The following KCNK2 variants were observed in gnomAD, a reference collection of about 807,000 sequenced individuals.
The protein encoded by KCNK2 is potassium channel subfamily K member 2.
In KCNK2, 21 loss-of-function variants were observed where a neutral mutation model predicts 40.5. The observed-to-expected ratio is 0.52, with a 90% CI of 0.37 to 0.75. KCNK2 has a LOEUF of 0.75. Among genes scored for constraint, KCNK2 ranks in the 30% least tolerant of loss-of-function variants. The probability of loss-of-function intolerance (pLI) is 0.00; values close to 1 mark genes in which losing one functional copy is unlikely to be tolerated. For synonymous variants in KCNK2, 191 were observed against 202.2 expected (o/e 0.94, Z 0.47); for missense variants, 399 against 531.6 (o/e 0.75, Z 2.45).
chr1:215,115,744 T>A (rs1449968743), intron 2 of KCNK2, among the ~76,000 whole-genome samples: 4 of 151,728 alleles, frequency 2.6e-5, no homozygotes, highest in Non-Finnish European at 5.9e-5. Context: ...TTTAAAAAAA[T>A]TAATCTTTTT....
chr1:215,153,833 T>C (rs1662793964), intron 3 of KCNK2, among the ~76,000 whole-genome samples: 1 of 152,010 alleles, frequency 6.6e-6, no homozygotes, highest in Non-Finnish European at 1.5e-5. Flanking sequence ...CACTTATGAG[T>C]GAGAACATGT....
intron 3 of KCNK2, among the ~76,000 whole-genome samples, chr1:215,135,508 A>C (rs2102594429): frequency 6.6e-6 from 1 of 152,026 alleles, no homozygotes; most frequent in South Asian, 2.1e-4. Flanking sequence ...TTCTGCCACT[A>C]ATATTTAAAA....
chr1:215,014,042 G>GT (rs1322592705), intron 1 of KCNK2, among the ~76,000 whole-genome samples: 1 of 152,048 alleles, frequency 6.6e-6, no homozygotes, highest in Admixed American at 6.6e-5. Context: ...GTTAGCTACA[G>GT]TTTTTTAAAT....
At chr1:215,080,652 A>G (rs1277638427), upstream of KCNK2, among the ~76,000 whole-genome samples, 1 of 152,238 alleles carries the variant, frequency 6.6e-6, no homozygotes, top group Non-Finnish European at 1.5e-5. Context: ...CACTGAGCAT[A>G]CAATCTAGTT....
At chr1:215,170,825 T>A (rs1663679984) in intron 4 of KCNK2, among the ~76,000 whole-genome samples, 1 of 152,146 alleles carries the variant, frequency 6.6e-6, no homozygotes, top group African/African-American at 2.4e-5. Context: ...ATTCAACAAA[T>A]TTTTTAGTGC....
intron 1 of KCNK2, among the ~76,000 whole-genome samples, chr1:215,027,334 A>C (rs1657034432): frequency 6.6e-6 from 1 of 152,024 alleles, no homozygotes; most frequent in South Asian, 2.1e-4. Flanking sequence ...GTTTTATTGG[A>C]TTCTTTCTAT....
chr1:215,124,241 A>G (rs1320699267), intron 2 of KCNK2, among the ~76,000 whole-genome samples: 2 of 152,180 alleles, frequency 1.3e-5, no homozygotes, highest in Admixed American at 1.3e-4. Flanking sequence ...TACTTTCTTT[A>G]TGATGAAGCT....
chr1:215,214,631 G>T (rs1053713672), intron 6 of KCNK2, among the ~76,000 whole-genome samples: 29 of 152,212 alleles, frequency 1.9e-4, no homozygotes, highest in African/African-American at 6.7e-4. Flanking sequence ...TTCAGGACCA[G>T]CCTGGGCAAC....
chr1:215,160,877 T>C (rs2102624123), intron 3 of KCNK2, among the ~76,000 whole-genome samples: 1 of 152,278 alleles, frequency 6.6e-6, no homozygotes, highest in Non-Finnish European at 1.5e-5. Context: ...ATTCTGTGGC[T>C]CTCTCCTTTG....
At chr1:215,060,036 G>C (rs1658315234) in intron 1 of KCNK2, among the ~76,000 whole-genome samples, 1 of 152,158 alleles carries the variant, frequency 6.6e-6, no homozygotes, top group South Asian at 2.1e-4. Context: ...GGTTGTGACA[G>C]AAAGTAAAGG....
At chr1:215,019,332 G>C (rs1350309578) in intron 1 of KCNK2, among the ~76,000 whole-genome samples, 1 of 152,148 alleles carries the variant, frequency 6.6e-6, no homozygotes, top group Non-Finnish European at 1.5e-5. Flanking sequence ...TAGAGATTTT[G>C]TGTTTCTTAC....
intron 6 of KCNK2, among the ~76,000 whole-genome samples, chr1:215,232,582 G>A (rs1666713834): frequency 6.6e-6 from 1 of 152,176 alleles, no homozygotes; most frequent in Non-Finnish European, 1.5e-5. Context: ...GGTTCTAGGT[G>A]CTGAGGATGT....
rs373246250 is a variant in KCNK2 at position 215,147,388 on chromosome 1, C to T, written c.476-21811C>T. On this transcript the variant is annotated intron_variant, in intron 3 of 6. Transcript: ENST00000444842. ...ACTGGTGTTATAGAGGAACAGTGTA[C>T]GATGTGTGAAAATTCTAAAATGAAC... Among the ~76,000 whole-genome samples, 27 of 152,202 alleles carry T rather than the reference C, an allele frequency of 1.8e-4. No individual in the cohort carries two copies. The East Asian group carries it at 4.3e-3, about 24-fold the overall frequency.
Position 215,083,210 on chromosome 1 carries a change from T to TCCCCCCCCCCCCC in KCNK2, c.-173_-172insCCCCCCCCCCCCC. Reference sequence around the variant, plus strand: ...TTCTCACGCTCCCCCCCCCGCCCCCTCCCGCGTCCAGCCCCGCTCTCCCCA... The same window carrying TCCCCCCCCCCCCC: ...TTCTCACGCTCCCCCCCCCGCCCCCTCCCCCCCCCCCCCCCCGCGTCCAGCCCCGCTCTCCCCA... On this transcript the variant is annotated 5_prime_UTR_variant, in exon 1 of 7. Coordinates refer to ENST00000444842, the MANE Select transcript of KCNK2 (RefSeq NM_001017425.3). The TCCCCCCCCCCCCC allele has an allele frequency of 2.6e-6, 1 of 391,896 alleles. No individual in the cohort carries two copies. The highest frequency in any genetic ancestry group is 4.0e-6 in the Non-Finnish European group (1 of 251,278). 24.3% of individuals were successfully genotyped at this position (391,896 alleles called of 1,614,324 possible). A position where few individuals can be genotyped will look rare whatever the true frequency, so the allele number is the denominator to read the frequency against.
At chr1:215,188,066 T>G (rs1664521949) in intron 5 of KCNK2, among the ~76,000 whole-genome samples, 1 of 152,146 alleles carries the variant, frequency 6.6e-6, no homozygotes, top group Non-Finnish European at 1.5e-5. Context: ...ATGGTTAATA[T>G]TATGAAAACA....
intron 3 of KCNK2, among the ~76,000 whole-genome samples, chr1:215,152,151 C>G (rs185497975): frequency 1.3e-5 from 2 of 152,036 alleles, no homozygotes; most frequent in Non-Finnish European, 2.9e-5. Context: ...GGAGTTATTT[C>G]AAGGCTTGTC....
intron 1 of KCNK2, among the ~76,000 whole-genome samples, chr1:215,063,569 T>C (rs986871716): frequency 1.3e-5 from 2 of 152,206 alleles, no homozygotes; most frequent in African/African-American, 4.8e-5. Context: ...ACAGTAATAA[T>C]ACCATTAAAT....
Position 215,096,845 on chromosome 1 carries a change from G to A in KCNK2, c.357+10167G>A, listed in dbSNP as rs77360608. Among the ~76,000 whole-genome samples the A allele has an allele frequency of 1.1e-4, 16 of 151,988 alleles. No individual in the cohort carries two copies. The East Asian group carries it at 1.5e-3, about 15-fold the overall frequency. ...AGATACCTCTGATTCCACGATGTTC[G>A]GAACTGCATTAAGTGGAGCCTATCA... On this transcript the variant is annotated intron_variant, in intron 2 of 6. Transcript: ENST00000444842.
chr1:215,037,966 T>C (rs373442992), intron 1 of KCNK2, among the ~76,000 whole-genome samples: 9 of 151,910 alleles, frequency 5.9e-5, no homozygotes, highest in East Asian at 5.8e-4. Flanking sequence ...AGATATACCT[T>C]AGGTGGTAGA....
Sources: gnomAD v4.1 joint callset for allele counts (sites outside exome capture counted in the v4.1 genomes callset) on GRCh38, gnomAD v4.1.1 for gene constraint, MANE v1.5 for transcripts, NCBI Gene and HGNC (gene_info 2026-07-23, HGNC 2026-07-21) for gene names.